Variants in B3GALT1 observed in about 807,000 individuals in gnomAD.
B3GALT1 encodes beta-1,3-galactosyltransferase 1.
In B3GALT1, 10 loss-of-function variants were observed where a neutral mutation model predicts 23.2. That is an observed-to-expected ratio of 0.43 (90% CI 0.27 to 0.73). B3GALT1 has a LOEUF of 0.73. B3GALT1 is among the 30% of genes least tolerant of loss of function. The probability of loss-of-function intolerance (pLI) is 0.21; values close to 1 mark genes in which losing one functional copy is unlikely to be tolerated. For synonymous variants in B3GALT1, 156 were observed against 141.5 expected (o/e 1.10, Z -0.73); for missense variants, 299 against 405.4 (o/e 0.74, Z 2.25).
chr2:167,874,019 G>A lies in B3GALT1; in HGVS notation c.*3999G>A, dbSNP rs904858835. ...ATAAAGCTGATTTTTTTAAACCATT[G>A]GGACAAATAAACAGAAGGAGAACAA... On this transcript the variant is annotated 3_prime_UTR_variant, in exon 5 of 5. Transcript: ENST00000392690. 6.6e-6 allele frequency: 1 copy of A among 152,140 alleles called. No homozygotes were observed. The highest frequency in any genetic ancestry group is 1.5e-5 in the Non-Finnish European group (1 of 68,008). 9.4% of individuals were successfully genotyped at this position (152,140 alleles called of 1,614,324 possible). A position where few individuals can be genotyped will look rare whatever the true frequency, so the allele number is the denominator to read the frequency against.
At chr2:167,370,276 G>A (rs1159110915) in intron 1 of B3GALT1, among the ~76,000 whole-genome samples, 1 of 152,206 alleles carries the variant, frequency 6.6e-6, no homozygotes, top group Non-Finnish European at 1.5e-5. Flanking sequence ...TGTTGTGCCT[G>A]TACACAAGAT....
In B3GALT1 at chr2:167,346,284, C is replaced by T. The variant is rs1194863302; in HGVS notation, c.-511+52950C>T. Among the ~76,000 whole-genome samples, 3 of 152,050 alleles carry T rather than the reference C, an allele frequency of 2.0e-5. No homozygotes were observed. The East Asian group carries it at 5.8e-4, about 29-fold the overall frequency. On this transcript the variant is annotated intron_variant, in intron 1 of 4. Transcript: ENST00000392690. ...CTCTAGGGTATAACACCCTCAGGCT[C>T]AGAAAACAAGTACTGGCTCTAAGAT... is the stretch of plus-strand genomic sequence containing the variant.
intron 3 of B3GALT1, among the ~76,000 whole-genome samples, chr2:167,668,433 G>A (rs150463536): frequency 0.094 from 14,273 of 152,178 alleles, 1,618 homozygotes; most frequent in African/African-American, 0.25. Context: ...CAGAGGTGGA[G>A]CCTACAGAGG....
chr2:167,518,147 A>G (rs535928997), intron 2 of B3GALT1, among the ~76,000 whole-genome samples: 40 of 152,268 alleles, frequency 2.6e-4, no homozygotes, highest in African/African-American at 6.5e-4. Flanking sequence ...TCGAGGATCC[A>G]AATTATGGCC....
intron 4 of B3GALT1, among the ~76,000 whole-genome samples, chr2:167,845,596 A>G (rs956594787): frequency 3.9e-5 from 6 of 152,292 alleles, no homozygotes; most frequent in South Asian, 2.1e-4. Flanking sequence ...GAATCTGAAC[A>G]ACAGCCTTCA....
At chr2:167,668,493 C>G (rs59111998) in intron 3 of B3GALT1, among the ~76,000 whole-genome samples, 1 of 152,080 alleles carries the variant, frequency 6.6e-6, no homozygotes, top group Non-Finnish European at 1.5e-5. Flanking sequence ...TCGAGCTTCC[C>G]GGCTGCTTTG....
chr2:167,726,185 C>T (rs1386912945), intron 3 of B3GALT1, among the ~76,000 whole-genome samples: 1 of 152,174 alleles, frequency 6.6e-6, no homozygotes, highest in African/African-American at 2.4e-5. Flanking sequence ...CAGCTTAGGT[C>T]TGCCCTGCTT....
rs112919570 is a variant in B3GALT1 at position 167,350,741 on chromosome 2, G to A, written c.-511+57407G>A. 3.6e-3 allele frequency among the ~76,000 whole-genome samples: 555 copies of A among 152,130 alleles called. 2 individuals carry two copies. Among genetic ancestry groups the A allele is most frequent in the African/African-American group, 0.012 (516 of 41,484 alleles). ...TGGCATGAATGCAGCCACATGTTCC[G>A]CATGGATATAGCCACGTGGGACCTA... On this transcript the variant is annotated intron_variant, in intron 1 of 4. Transcript: ENST00000392690.
intron 1 of B3GALT1, among the ~76,000 whole-genome samples, chr2:167,413,552 G>T (rs1443107664): frequency 6.6e-6 from 1 of 151,892 alleles, no homozygotes; most frequent in East Asian, 1.9e-4. Context: ...ATTGTTGAAT[G>T]CATATGTATT....
chr2:167,629,728 G>A (rs2105446041), intron 2 of B3GALT1, among the ~76,000 whole-genome samples: 1 of 151,716 alleles, frequency 6.6e-6, no homozygotes, highest in South Asian at 2.1e-4. Flanking sequence ...AATTACTACA[G>A]AAATAAAAAT....
chr2:167,308,871 CAAT>C (rs148845923), intron 1 of B3GALT1, among the ~76,000 whole-genome samples: 125 of 152,064 alleles, frequency 8.2e-4, no homozygotes, highest in African/African-American at 3.0e-3. Flanking sequence ...ATATCTAAAA[CAAT>C]GATGTCAGTA....
chr2:167,345,154 G>C (rs1697208951), intron 1 of B3GALT1, among the ~76,000 whole-genome samples: 2 of 151,910 alleles, frequency 1.3e-5, no homozygotes, highest in African/African-American at 4.9e-5. Flanking sequence ...GATTGTCTCT[G>C]AGGAATGCAT....
At chr2:167,396,283 A>G (rs1698093797) in intron 1 of B3GALT1, among the ~76,000 whole-genome samples, 2 of 152,106 alleles carry the variant, frequency 1.3e-5, no homozygotes, top group Non-Finnish European at 2.9e-5. Flanking sequence ...TCTTAAGTTT[A>G]TCATGCTATT....
At chr2:167,453,318 T>C (rs1209944128) in intron 1 of B3GALT1, among the ~76,000 whole-genome samples, 1 of 152,220 alleles carries the variant, frequency 6.6e-6, no homozygotes, top group African/African-American at 2.4e-5. Context: ...AAGCAGGTAA[T>C]CCCACCTCTG....
intron 1 of B3GALT1, among the ~76,000 whole-genome samples, chr2:167,370,325 A>G (rs1035683911): frequency 1.3e-5 from 2 of 152,212 alleles, no homozygotes; most frequent in South Asian, 2.1e-4. Context: ...AGGGGCATAT[A>G]TAACACCTAA....
chr2:167,440,225 C>A (rs6721252), intron 1 of B3GALT1, among the ~76,000 whole-genome samples: 16,196 of 151,310 alleles, frequency 0.11, 983 homozygotes, highest in African/African-American at 0.17. Context: ...CGCCTGTAGT[C>A]CCAGCTACTC....
chr2:167,673,690 A>G (rs539632595), intron 3 of B3GALT1, among the ~76,000 whole-genome samples: 30 of 152,218 alleles, frequency 2.0e-4, no homozygotes, highest in African/African-American at 6.0e-4. Flanking sequence ...ATACTTTTCA[A>G]GATAGTATTA....
At chr2:167,404,628 C>T (rs1345610249) in intron 1 of B3GALT1, among the ~76,000 whole-genome samples, 1 of 152,158 alleles carries the variant, frequency 6.6e-6, no homozygotes, top group East Asian at 1.9e-4. Context: ...TGTAAGTCCT[C>T]TTTTCATAGT....
In B3GALT1 at chr2:167,490,825, T is replaced by C. The variant is rs190544402; in HGVS notation, c.-410+548T>C. ...ATTGAAATCTGGACTTAGAGGAGTT[T>C]TTCTTAGGAAAAAATCAAGACATTG... On this transcript the variant is annotated intron_variant, in intron 2 of 4. Transcript: ENST00000392690. Among the ~76,000 whole-genome samples, 56 of 152,326 alleles carry C rather than the reference T, an allele frequency of 3.7e-4. No individual in the cohort carries two copies. The East Asian group carries it at 8.9e-3, about 24-fold the overall frequency.
Sources: gnomAD v4.1 joint callset for allele counts (sites outside exome capture counted in the v4.1 genomes callset) on GRCh38, gnomAD v4.1.1 for gene constraint, MANE v1.5 for transcripts, NCBI Gene and HGNC (gene_info 2026-07-23, HGNC 2026-07-21) for gene names.